Variants in PSMD8 observed in about 807,000 individuals in gnomAD.
PSMD8 encodes proteasome 26S subunit, non-ATPase 8.
PSMD8 carries 30 observed loss-of-function variants against 40.0 expected under a neutral mutation model. The ratio of observed to expected loss-of-function variants is 0.75; its 90% CI spans 0.56 to 1.02. PSMD8 has a LOEUF of 1.02. PSMD8 is among the 50% of genes least tolerant of loss of function. PSMD8 has a pLI of 0.00. For synonymous variants in PSMD8, 208 were observed against 192.5 expected (o/e 1.08, Z -0.67); for missense variants, 461 against 463.9 (o/e 0.99, Z 0.06).
chr19:38,376,025 G>T, intron 1 of PSMD8, 135 bp from the exon 2 acceptor site: 1 of 853,662 alleles, frequency 1.2e-6, no homozygotes, highest in South Asian at 1.6e-5. Flanking sequence ...AGTGCTTTAT[G>T]AGAAAGCATT....
intron 1 of PSMD8, chr19:38,375,378 T>G: frequency 4.9e-6 from 1 of 203,206 alleles, no homozygotes; most frequent in Non-Finnish European, 1.0e-5. Flanking sequence ...GGGGTTAGAT[T>G]TTTGGTGCGT....
chr19:38,381,259 G>T, intron 5 of PSMD8: 1 of 400,542 alleles, frequency 2.5e-6, no homozygotes, highest in Non-Finnish European at 4.5e-6. Flanking sequence ...TGGTTCAGCA[G>T]GCAGGGATTG....
intron 5 of PSMD8, among the ~76,000 whole-genome samples, chr19:38,381,564 C>T (rs939225317): frequency 6.6e-6 from 1 of 152,276 alleles, no homozygotes; most frequent in East Asian, 1.9e-4. Flanking sequence ...AAAGGCAAGC[C>T]CAGAGGCATT....
intron 4 of PSMD8, among the ~76,000 whole-genome samples, chr19:38,380,011 T>C (rs892903549): frequency 6.6e-6 from 1 of 152,140 alleles, no homozygotes; most frequent in African/African-American, 2.4e-5. Context: ...AGGGTGGCCG[T>C]GCACAGTGGC....
In PSMD8 at chr19:38,381,008, C is replaced by T. The variant is rs772659343; in HGVS notation, c.803+9C>T. The T allele has an allele frequency of 2.5e-5, 38 of 1,549,668 alleles. No individual in the cohort carries two copies. Among genetic ancestry groups the T allele is most frequent in the East Asian group, 1.4e-4 (6 of 41,690 alleles). On this transcript the variant is annotated intron_variant, in intron 5 of 6. Transcript: ENST00000215071. ...CTGCTCGACACTATCAGGTGCGTAG[C>T]GGGGCCGGGCCCTGTGGAGTTTGGA...
chr19:38,380,793 G>A, intron 4 of PSMD8, 106 bp from the exon 5 acceptor site: 1 of 873,990 alleles, frequency 1.1e-6, no homozygotes, highest in Non-Finnish European at 1.7e-6. Flanking sequence ...TGGCTGTGTG[G>A]CAAAGGGATT....
In PSMD8 at chr19:38,374,684, C is replaced by A; in HGVS notation, c.83C>A (p.Ala28Asp). The A allele has an allele frequency of 6.5e-7, 1 of 1,542,324 alleles. No individual in the cohort carries two copies. Among genetic ancestry groups the A allele is most frequent in the Non-Finnish European group, 8.7e-7 (1 of 1,147,018 alleles). Reference sequence around the variant, plus strand: ...CGGGGCGGGCTGAGGCAGGTTGTAGCCCCGCCCCGGGCCTTGGGCTCCACC... The same window carrying A: ...CGGGGCGGGCTGAGGCAGGTTGTAGACCCGCCCCGGGCCTTGGGCTCCACC... ...ATRGGLRQVV[A>D]PPRALGSTSR... is the part of the protein sequence containing the mutation. The change falls in exon 1 of 7, where the codon GCC becomes GAC. Residue 28 changes from alanine to aspartate, a missense_variant. Ala to Asp is a moderately radical substitution (Grantham distance 126). This residue lies in a region of PSMD8 where 225 missense variants were observed against 142.7 expected (regional missense o/e 1.58). Transcript: ENST00000215071.
rs1057219653 is a variant in PSMD8, at chr19:38,381,109, G to A, written c.803+110G>A. The A allele has an allele frequency of 1.0e-5, 9 of 864,772 alleles. No individual in the cohort carries two copies. In the African/African-American group the frequency reaches 1.5e-4, roughly 15 times the overall value. 53.6% of individuals were successfully genotyped at this position (864,772 alleles called of 1,614,324 possible). A position where few individuals can be genotyped will look rare whatever the true frequency, so the allele number is the denominator to read the frequency against. On this transcript the variant is annotated intron_variant, in intron 5 of 6. Coordinates refer to ENST00000215071, the MANE Select transcript of PSMD8 (RefSeq NM_002812.5). ...CATTGGTTGTCTGGGTAGGCTAGGT[G>A]TGTTTCTTATCCTCCTAGCACCTCA... is the stretch of plus-strand genomic sequence containing the variant.
At chr19:38,381,054 G>T in intron 5 of PSMD8, 55 bp downstream of exon 5, 1 of 1,348,810 alleles carries the variant, frequency 7.4e-7, no homozygotes, top group Admixed American at 2.4e-5. Flanking sequence ...GCTTGAGTCG[G>T]ACAGCTCCGA....
In PSMD8 at chr19:38,374,796, G is replaced by A. The variant is rs746360596; in HGVS notation, c.195G>A (p.Ala65=). The change falls in exon 1 of 7, where the codon GCG becomes GCA. Residue 65 remains alanine (A), a synonymous_variant. Coordinates refer to ENST00000215071, the MANE Select transcript of PSMD8 (RefSeq NM_002812.5). ...GGLLAASRKM[A]AAAVNGAAGF... ...TGCTTGCCGCATCACGCAAGATGGC[G>A]GCCGCGGCGGTGAACGGGGCGGCAG... The A allele has an allele frequency of 3.8e-6, 6 of 1,571,878 alleles. No individual in the cohort carries two copies. The South Asian group carries it at 5.7e-5, about 15-fold the overall frequency.
intron 3 of PSMD8, among the ~76,000 whole-genome samples, chr19:38,378,680 G>T (rs372407118): frequency 6.7e-6 from 1 of 150,176 alleles, no homozygotes; most frequent in South Asian, 2.1e-4. Flanking sequence ...AGGGCTGGGC[G>T]CAGTGGCTCA....
chr19:38,376,431 C>G lies in PSMD8; in HGVS notation c.513C>G (p.Leu171=), dbSNP rs1970599020. 1.9e-6 allele frequency: 3 copies of G among 1,551,698 alleles called. No individual in the cohort carries two copies. The change falls in exon 3 of 7, where the codon CTC becomes CTG. Residue 171 remains leucine (L), a synonymous_variant. Coordinates refer to ENST00000215071, the MANE Select transcript of PSMD8 (RefSeq NM_002812.5). ...CCTTCGAGCGCTACATGGCCCAGCT[C>G]AAATGCTACTACTTTGATTACAAGT... ...IPSFERYMAQ[L]KCYYFDYKEQ...
At chr19:38,376,077 G>C in intron 1 of PSMD8, 83 bp from the exon 2 acceptor site, 1 of 1,347,182 alleles carries the variant, frequency 7.4e-7, no homozygotes. Context: ...TTTCCAAGTG[G>C]GAAGACCAGA....
chr19:38,382,391 C>G lies in PSMD8; in HGVS notation c.915+163C>G, dbSNP rs549281585. On this transcript the variant is annotated intron_variant, in intron 6 of 6. Coordinates refer to ENST00000215071, the MANE Select transcript of PSMD8 (RefSeq NM_002812.5). ...AGCTCTCTGACATCAGTTTCTCTATCCACAGAATGGGGCTAGATACATGGG... is the reference window on the plus strand; with the variant it reads ...AGCTCTCTGACATCAGTTTCTCTATGCACAGAATGGGGCTAGATACATGGG... 3 of 660,924 alleles carry G rather than the reference C, an allele frequency of 4.5e-6. No homozygotes were observed. The South Asian group carries it at 5.1e-5, about 11-fold the overall frequency. 40.9% of individuals were successfully genotyped at this position (660,924 alleles called of 1,614,324 possible). A position where few individuals can be genotyped will look rare whatever the true frequency, so the allele number is the denominator to read the frequency against.
chr19:38,383,155 AAG>A (rs777383362), intron 6 of PSMD8, 96 bp from the exon 7 acceptor site: 59 of 1,495,360 alleles, frequency 3.9e-5, no homozygotes, highest in Middle Eastern at 2.4e-4. Context: ...TTGGTGAGAA[AAG>A]AGAGCATAGG....
At chr19:38,375,305 T>G in intron 1 of PSMD8, 3 of 271,330 alleles carry the variant, frequency 1.1e-5, no homozygotes, top group Non-Finnish European at 2.1e-5. Flanking sequence ...GAGAGATGAC[T>G]GGAATGGACC....
At position 38,375,211 on chromosome 19, in the gene PSMD8, C is replaced by CG. The variant is rs1200055912; in HGVS notation, c.360+255dup. 3.7e-5 allele frequency: 21 copies of CG among 566,186 alleles called. No homozygotes were observed. In the East Asian group the frequency reaches 7.4e-4, roughly 20 times the overall value. The allele number at this position is 566,186 out of a possible 1,614,324, so 35.1% of individuals were successfully genotyped here. ...ATCGCAGCGCTTTGGGAGGCCGAGGCGGGGGAGCGTCGCTTGAGCCCAGGA... is the reference window on the plus strand; with the variant it reads ...ATCGCAGCGCTTTGGGAGGCCGAGGCGGGGGGAGCGTCGCTTGAGCCCAGGA... On this transcript the variant is annotated intron_variant, in intron 1 of 6. Coordinates refer to ENST00000215071, the MANE Select transcript of PSMD8 (RefSeq NM_002812.5).
chr19:38,382,242 A>G lies in PSMD8; in HGVS notation c.915+14A>G. On this transcript the variant is annotated intron_variant, in intron 6 of 6. Coordinates refer to ENST00000215071, the MANE Select transcript of PSMD8 (RefSeq NM_002812.5). ...TACGCCAAGAAGGTGGCTGGGGTACAGGGCAAGGGGCCGTGGGACCAAGGG... is the reference window on the plus strand; with the variant it reads ...TACGCCAAGAAGGTGGCTGGGGTACGGGGCAAGGGGCCGTGGGACCAAGGG... 6.4e-7 allele frequency: 1 copy of G among 1,567,984 alleles called. No homozygotes were observed. The highest frequency in any genetic ancestry group is 8.7e-7 in the Non-Finnish European group (1 of 1,154,606).
At chr19:38,381,058 G>C in intron 5 of PSMD8, 59 bp downstream of exon 5, 1 of 1,305,938 alleles carries the variant, frequency 7.7e-7, no homozygotes, top group South Asian at 1.4e-5. Flanking sequence ...GAGTCGGACA[G>C]CTCCGAGTCT....
Sources: allele counts gnomAD v4.1 joint callset (sites outside exome capture counted in the v4.1 genomes callset), GRCh38; gene constraint gnomAD v4.1.1; regional missense constraint gnomAD v4.1.1; transcripts MANE v1.5; gene names NCBI Gene and HGNC (gene_info 2026-07-23, HGNC 2026-07-21).